Variants in CACNA1A observed in about 807,000 individuals in gnomAD.
CACNA1A encodes voltage-dependent P/Q-type calcium channel subunit alpha-1A.
CACNA1A carries 57 observed loss-of-function variants against 262.4 expected under a neutral mutation model. The observed-to-expected ratio is 0.22, with a 90% CI of 0.18 to 0.27. CACNA1A has a LOEUF of 0.27. Among genes scored for constraint, CACNA1A ranks in the 10% least tolerant of loss-of-function variants. The probability of loss-of-function intolerance (pLI) is 1.00; values close to 1 mark genes in which losing one functional copy is unlikely to be tolerated. For missense variants in CACNA1A, 2,526 were observed against 3,562.8 expected (o/e 0.71, Z 7.41); for synonymous variants, 1,431 against 1,419.3 (o/e 1.01, Z -0.18).
At chr19:13,307,627 T>C (rs993446343) in intron 15 of CACNA1A, 155 bp downstream of exon 15, 2 of 634,308 alleles carry the variant, frequency 3.2e-6, no homozygotes, top group South Asian at 2.0e-5. Flanking sequence ...CTCACCATAA[T>C]TGAATAATGA....
rs1446752227 is a variant in CACNA1A at position 13,298,927 on chromosome 19, G to A, written c.2706C>T (p.Asp902=). The A allele has an allele frequency of 2.5e-6, 4 of 1,594,348 alleles. No homozygotes were observed. Among genetic ancestry groups the A allele is most frequent in the Non-Finnish European group, 3.4e-6 (4 of 1,177,758 alleles). Residue 902 remains aspartate (D), a synonymous_variant, in exon 19 of 47, where the codon GAC becomes GAT. Transcript: ENST00000360228. ...SREGPYGRES[D]HHAREGSLEQ... is the part of the protein sequence containing the mutation. ...CCAGGCTGCCCTCCCGGGCGTGGTG[G>A]TCCGACTCGCGGCCGTAGGGTCCCT...
At chr19:13,265,224 G>A (rs1037581445) in intron 24 of CACNA1A, among the ~76,000 whole-genome samples, 6 of 152,194 alleles carry the variant, frequency 3.9e-5, no homozygotes, top group Non-Finnish European at 5.9e-5. Context: ...TGCGCCTGGC[G>A]TGTGGTCTCA....
intron 38 of CACNA1A, among the ~76,000 whole-genome samples, chr19:13,219,482 A>G (rs1165263363): frequency 1.3e-5 from 2 of 152,314 alleles, no homozygotes; most frequent in Admixed American, 1.3e-4. Flanking sequence ...AGAGTGCCAC[A>G]GAAGCTGAGT....
chr19:13,374,801 G>A (rs1023606961), intron 3 of CACNA1A, among the ~76,000 whole-genome samples: 1 of 152,036 alleles, frequency 6.6e-6, no homozygotes, highest in African/African-American at 2.4e-5. Flanking sequence ...CTGTGTGGGG[G>A]AGACTGAGAG....
chr19:13,416,201 A>G (rs975545720), intron 3 of CACNA1A, among the ~76,000 whole-genome samples: 3 of 152,130 alleles, frequency 2.0e-5, no homozygotes, highest in African/African-American at 7.2e-5. Context: ...CTTGGGCTCA[A>G]GCGATCCTCC....
At chr19:13,314,380 G>A (rs1336815308) in intron 11 of CACNA1A, among the ~76,000 whole-genome samples, 1 of 152,202 alleles carries the variant, frequency 6.6e-6, no homozygotes, top group East Asian at 1.9e-4. Flanking sequence ...AATTGCCAAT[G>A]TAACAGTATT....
chr19:13,332,942 C>T lies in CACNA1A; in HGVS notation c.1199-17G>A, dbSNP rs190836274. On this transcript the variant is annotated splice_polypyrimidine_tract_variant and intron_variant, in intron 8 of 46. Transcript: ENST00000360228. ...TCACCTCTTCTGAAGAGGAAGAGCA[C>T]AGAGTTAAGCTCCTGCATTTGGAGG... 4 of 1,604,882 alleles carry T rather than the reference C, an allele frequency of 2.5e-6. No homozygotes were observed. Among genetic ancestry groups the T allele is most frequent in the Non-Finnish European group, 3.4e-6 (4 of 1,172,626 alleles).
At chr19:13,305,398 A>C (rs2057879246) in intron 15 of CACNA1A, among the ~76,000 whole-genome samples, 1 of 152,194 alleles carries the variant, frequency 6.6e-6, no homozygotes, top group African/African-American at 2.4e-5. Flanking sequence ...GAAAGAACCA[A>C]GGGGATATTC....
In CACNA1A at chr19:13,225,784, A is replaced by G. The variant is rs540210776; in HGVS notation, c.5626-1012T>C. 8 of 152,340 alleles carry G rather than the reference A, an allele frequency of 5.3e-5. No individual in the cohort carries two copies. In the East Asian group the frequency reaches 1.5e-3, roughly 29 times the overall value. The allele number at this position is 152,340 out of a possible 1,614,324, so 9.4% of individuals were successfully genotyped here. ...ACACATAGACTGGGCCACTGTGCAC[A>G]GTTGTGCAGGTTGTACACCGCACAA... On this transcript the variant is annotated intron_variant, in intron 37 of 46. Coordinates refer to ENST00000360228, the MANE Select transcript of CACNA1A (RefSeq NM_001127222.2).
chr19:13,209,266 C>G, intron 45 of CACNA1A, 46 bp downstream of exon 45: 5 of 1,439,222 alleles, frequency 3.5e-6, no homozygotes, highest in Non-Finnish European at 4.6e-6. Flanking sequence ...CCTCCCCTCT[C>G]CTCTCCTCTG....
At chr19:13,239,938 G>T (rs1350318910) in intron 31 of CACNA1A, among the ~76,000 whole-genome samples, 3 of 151,934 alleles carry the variant, frequency 2.0e-5, no homozygotes, top group Non-Finnish European at 4.4e-5. Flanking sequence ...ATCACTTGAG[G>T]TCAGGAGTTC....
chr19:13,413,108 TTTTTG>T (rs1391182526), intron 3 of CACNA1A, among the ~76,000 whole-genome samples: 4 of 150,544 alleles, frequency 2.7e-5, no homozygotes, highest in African/African-American at 9.9e-5. Flanking sequence ...TTGTTTTTTT[TTTTTG>T]TTTTTTTTTT....
intron 3 of CACNA1A, among the ~76,000 whole-genome samples, chr19:13,373,389 A>T (rs11085845): frequency 0.25 from 38,287 of 152,106 alleles, 5,315 homozygotes; most frequent in Middle Eastern, 0.32. Flanking sequence ...TGGTATCTGT[A>T]CCTCTTGCCT....
At chr19:13,323,269 CAA>C (rs60609499) in intron 10 of CACNA1A, among the ~76,000 whole-genome samples, 3 of 148,894 alleles carry the variant, frequency 2.0e-5, no homozygotes, top group Non-Finnish European at 4.5e-5. Flanking sequence ...AAAAACAAAA[CAA>C]AAAACAAAAA....
At chr19:13,431,032 G>A (rs573566055) in intron 3 of CACNA1A, among the ~76,000 whole-genome samples, 29 of 152,068 alleles carry the variant, frequency 1.9e-4, no homozygotes, top group Admixed American at 9.2e-4. Context: ...AGCCGAGTGA[G>A]TGGAGAGGAG....
chr19:13,312,734 T>C lies in CACNA1A; in HGVS notation c.1603A>G (p.Ile535Val), dbSNP rs777789070. ...CGCGTCCCAAGCCCGTACATTTTTATAAACATTTCGGACATAAAGAGTCCT... is the reference window on the plus strand; with the variant it reads ...CGCGTCCCAAGCCCGTACATTTTTACAAACATTTCGGACATAAAGAGTCCT... ...FLGLFMSEMF[I>V]KMYGLGTRPY... Residue 535 changes from isoleucine to valine, a missense_variant, in exon 12 of 47, where the codon ATA (isoleucine) becomes GTA (valine). Physicochemically the swap from Ile to Val is conservative, Grantham distance 29. Coordinates refer to ENST00000360228, the MANE Select transcript of CACNA1A (RefSeq NM_001127222.2). 1 of 1,594,998 alleles carries C rather than the reference T, an allele frequency of 6.3e-7. No individual in the cohort carries two copies. Among genetic ancestry groups the C allele is most frequent in the South Asian group, 1.1e-5 (1 of 87,100 alleles).
intron 31 of CACNA1A, among the ~76,000 whole-genome samples, chr19:13,242,990 A>G (rs2056121747): frequency 1.3e-5 from 2 of 152,216 alleles, no homozygotes. Context: ...CTGTCCCTAC[A>G]GCTCTCTTAC....
At chr19:13,242,342 G>A (rs113499136) in intron 31 of CACNA1A, among the ~76,000 whole-genome samples, 5,740 of 152,188 alleles carry the variant, frequency 0.038, 397 homozygotes, top group African/African-American at 0.13. Flanking sequence ...CGCCCAGGCT[G>A]GAGGGCAGTG....
Position 13,286,665 on chromosome 19 carries a change from G to A in CACNA1A, c.3391C>T (p.Pro1131Ser). ...SRRTPNNPGN[P>S]SNPGPPKTPE... is the part of the protein sequence containing the mutation. The stretch of plus-strand genomic sequence containing the variant: ...GTCTTGGGGGGGCCGGGATTGGATG[G>A]GTTCCCCGGGTTGTTGGGCGTCCGG... The change falls in exon 20 of 47, where the codon CCA becomes TCA. Residue 1131 changes from proline to serine, a missense_variant. By Grantham distance (74) the Pro-to-Ser change is moderately conservative. Around this residue, in one of 17 missense-constraint regions of CACNA1A, gnomAD observed 765 missense variants for 748.6 expected, o/e 1.02. Coordinates refer to ENST00000360228, the MANE Select transcript of CACNA1A (RefSeq NM_001127222.2). 1 of 1,557,950 alleles carries A rather than the reference G, an allele frequency of 6.4e-7. No homozygotes were observed. The highest frequency in any genetic ancestry group is 1.2e-5 in the South Asian group (1 of 81,806).
Sources: allele counts gnomAD v4.1 joint callset (sites outside exome capture counted in the v4.1 genomes callset), GRCh38; gene constraint gnomAD v4.1.1; regional missense constraint gnomAD v4.1.1; transcripts MANE v1.5; gene names NCBI Gene and HGNC (gene_info 2026-07-23, HGNC 2026-07-21).